The following DAOA variants were observed in gnomAD, a reference collection of about 807,000 sequenced individuals.
DAOA encodes the protein D-amino acid oxidase regulator.
In DAOA, 15 loss-of-function variants were observed where a neutral mutation model predicts 16.4. The ratio of observed to expected loss-of-function variants is 0.91; its 90% CI spans 0.61 to 1.41. The LOEUF is 1.41. DAOA is among the 40% of genes most tolerant of loss of function. DAOA has a pLI of 0.00. For synonymous variants in DAOA, 75 were observed against 59.1 expected (o/e 1.27, Z -1.23); for missense variants, 230 against 176.8 (o/e 1.30, Z -1.71).
chr13:105,486,908 C>T lies in DAOA; in HGVS notation c.282-2993C>T, dbSNP rs143846885. ...GTGCTGAGATTACAGGCATGAGCCACGGTACCTGGCCTCAGTATTGACTAT... is the reference window on the plus strand; with the variant it reads ...GTGCTGAGATTACAGGCATGAGCCATGGTACCTGGCCTCAGTATTGACTAT... On this transcript the variant is annotated intron_variant, in intron 4 of 5. Transcript: ENST00000375936. Among the ~76,000 whole-genome samples the T allele has an allele frequency of 6.6e-4, 100 of 152,268 alleles. 1 individual carries two copies. The highest frequency in any genetic ancestry group is 1.4e-3 in the Non-Finnish European group (92 of 68,024).
At chr13:105,485,661 G>A (rs1434792897) in intron 4 of DAOA, among the ~76,000 whole-genome samples, 1 of 152,144 alleles carries the variant, frequency 6.6e-6, no homozygotes, top group Non-Finnish European at 1.5e-5. Context: ...GGTCATTAGA[G>A]TGGCTCTATT....
Position 105,466,715 on chromosome 13 carries a change from G to A in DAOA, c.45-338G>A, listed in dbSNP as rs111765290. Among the ~76,000 whole-genome samples, 4 of 152,072 alleles carry A rather than the reference G, an allele frequency of 2.6e-5. No homozygotes were observed. The East Asian group carries it at 7.7e-4, about 29-fold the overall frequency. ...TTTGTTTAGCACTGTGTAGAACTGG[G>A]ATAACTTTGTGCTTATTTTGCAGTT... On this transcript the variant is annotated intron_variant, in intron 2 of 5. Transcript: ENST00000375936.
chr13:105,468,739 G>A (rs558396136), intron 3 of DAOA, among the ~76,000 whole-genome samples: 1 of 152,264 alleles, frequency 6.6e-6, no homozygotes, highest in East Asian at 1.9e-4. Context: ...TAAGAATGTT[G>A]GAAGGAAAAC....
At chr13:105,472,753 A>G (rs1877061192) in intron 4 of DAOA, 68 bp downstream of exon 4, 1 of 1,444,184 alleles carries the variant, frequency 6.9e-7, no homozygotes, top group African/African-American at 1.4e-5. Flanking sequence ...GAACTTACGA[A>G]AGCAACTTCT....
At chr13:105,485,533 CCT>C (rs1280388605) in intron 4 of DAOA, among the ~76,000 whole-genome samples, 5 of 152,158 alleles carry the variant, frequency 3.3e-5, no homozygotes, top group Non-Finnish European at 1.5e-5. Flanking sequence ...TCAATAATCC[CCT>C]GTTTGGGGTT....
chr13:105,478,066 G>A (rs896439914), intron 4 of DAOA, among the ~76,000 whole-genome samples: 6 of 152,204 alleles, frequency 3.9e-5, no homozygotes, highest in African/African-American at 1.4e-4. Flanking sequence ...AATATATTTG[G>A]TTTCTTGGTC....
At chr13:105,481,812 A>G (rs1439267451) in intron 4 of DAOA, among the ~76,000 whole-genome samples, 3 of 152,170 alleles carry the variant, frequency 2.0e-5, no homozygotes, top group Non-Finnish European at 4.4e-5. Context: ...CCCTTCAGCT[A>G]ACAATCTCTC....
At chr13:105,479,715 A>G (rs1877575359) in intron 4 of DAOA, among the ~76,000 whole-genome samples, 1 of 152,180 alleles carries the variant, frequency 6.6e-6, no homozygotes, top group South Asian at 2.1e-4. Context: ...TACATCCACA[A>G]TGACCCTATT....
At chr13:105,487,143 A>G (rs1043204293) in intron 4 of DAOA, among the ~76,000 whole-genome samples, 1 of 152,036 alleles carries the variant, frequency 6.6e-6, no homozygotes, top group African/African-American at 2.4e-5. Flanking sequence ...GAATAACACA[A>G]TTTTGCCAGC....
intron 4 of DAOA, among the ~76,000 whole-genome samples, chr13:105,476,614 T>C (rs1280762587): frequency 1.3e-5 from 2 of 151,838 alleles, no homozygotes; most frequent in African/African-American, 4.8e-5. Flanking sequence ...GTGGGTATTT[T>C]AAAAAATAAT....
chr13:105,477,672 C>T (rs1877432021), intron 4 of DAOA, among the ~76,000 whole-genome samples: 1 of 152,076 alleles, frequency 6.6e-6, no homozygotes, highest in South Asian at 2.1e-4. Flanking sequence ...TTCAGTGAGC[C>T]GAGATCACAG....
In DAOA at chr13:105,476,404, C is replaced by A. The variant is rs576955711; in HGVS notation, c.281+3719C>A. On this transcript the variant is annotated intron_variant, in intron 4 of 5. Transcript: ENST00000375936. The stretch of plus-strand genomic sequence containing the variant: ...AAGATACAATAATTAGCTTTCTTAA[C>A]AATTTTCACCCAGAGGTATTTTTAT... 1.9e-4 allele frequency among the ~76,000 whole-genome samples: 28 copies of A among 150,580 alleles called. 1 individual carries two copies. The highest frequency in any genetic ancestry group is 6.3e-4 in the African/African-American group (26 of 41,004).
chr13:105,473,587 T>C (rs978398881), intron 4 of DAOA, among the ~76,000 whole-genome samples: 2 of 152,058 alleles, frequency 1.3e-5, no homozygotes, highest in Non-Finnish European at 2.9e-5. Context: ...AGCCCTTTAG[T>C]TTGCCACGCA....
intron 5 of DAOA, chr13:105,490,597 A>G (rs1878450043): frequency 6.6e-6 from 1 of 152,130 alleles, no homozygotes; most frequent in Admixed American, 6.6e-5. Context: ...ACCCTTCCCT[A>G]CTTTTATAAT....
intron 5 of DAOA, chr13:105,490,500 G>A (rs1240746604): frequency 6.6e-6 from 1 of 152,254 alleles, no homozygotes; most frequent in African/African-American, 2.4e-5. Context: ...AAATAGTAAT[G>A]ATGTCTCCCT....
In DAOA at chr13:105,478,177, C is replaced by T. The variant is rs554698615; in HGVS notation, c.281+5492C>T. ...AACAACATCTAACAATACAGCTGCA[C>T]TTCAATGAAAAATGATTGTTTTTTA... On this transcript the variant is annotated intron_variant, in intron 4 of 5. Coordinates refer to ENST00000375936, the MANE Select transcript of DAOA (RefSeq NM_172370.5). Among the ~76,000 whole-genome samples the T allele has an allele frequency of 6.6e-5, 10 of 152,272 alleles. No homozygotes were observed. In the South Asian group the frequency reaches 1.0e-3, roughly 16 times the overall value.
At chr13:105,475,296 C>T (rs913435382) in intron 4 of DAOA, among the ~76,000 whole-genome samples, 1 of 152,126 alleles carries the variant, frequency 6.6e-6, no homozygotes, top group African/African-American at 2.4e-5. Flanking sequence ...TGAAATCTCA[C>T]AAAGCTTTAT....
chr13:105,470,797 C>A (rs1876878875), intron 3 of DAOA, among the ~76,000 whole-genome samples: 1 of 58,426 alleles, frequency 1.7e-5, no homozygotes, highest in South Asian at 8.2e-4. Flanking sequence ...TTTCTTTTTT[C>A]TTTTTTCTTT....
At position 105,472,631 on chromosome 13, in the gene DAOA, A is replaced by G. The variant is rs768067587; in HGVS notation, c.227A>G (p.His76Arg). Reference sequence around the variant, plus strand: ...GGCTATTTGGAAATGGCACAGAGGCATTTACAGAGATCATTATGTCCTTGG... The same window carrying G: ...GGCTATTTGGAAATGGCACAGAGGCGTTTACAGAGATCATTATGTCCTTGG... ...EDGYLEMAQR[H>R]LQRSLCPWVS... Residue 76 changes from histidine to arginine, a missense_variant, in exon 4 of 6, where the codon CAT (histidine) becomes CGT (arginine). Coordinates refer to ENST00000375936, the MANE Select transcript of DAOA (RefSeq NM_172370.5). 2.2e-5 allele frequency: 36 copies of G among 1,613,944 alleles called. No individual in the cohort carries two copies. The highest frequency in any genetic ancestry group is 2.8e-5 in the Non-Finnish European group (33 of 1,179,942).
Sources: allele counts gnomAD v4.1 joint callset (sites outside exome capture counted in the v4.1 genomes callset), GRCh38; gene constraint gnomAD v4.1.1; transcripts MANE v1.5; gene names NCBI Gene and HGNC (gene_info 2026-07-23, HGNC 2026-07-21).